QTMAN: variants seen among roughly 807,000 people sequenced by gnomAD.
QTMAN encodes the protein tRNA-queuosine alpha-mannosyltransferase.
At chr2:144,136,852 G>A in the QTMAN span, among the ~76,000 whole-genome samples, 1 of 152,040 alleles carries the variant, frequency 6.6e-6, no homozygotes, top group African/African-American at 2.4e-5. Flanking sequence ...ATCTCACCAA[G>A]TCTCAGGATC....
At chr2:144,233,053 T>C in the QTMAN span, among the ~76,000 whole-genome samples, 93 of 152,264 alleles carry the variant, frequency 6.1e-4, no homozygotes, top group African/African-American at 2.1e-3. Flanking sequence ...TAAAAGTGAG[T>C]ATTCAATTTG....
chr2:144,032,701 C>T, the QTMAN span, among the ~76,000 whole-genome samples: 2 of 152,120 alleles, frequency 1.3e-5, no homozygotes, highest in Non-Finnish European at 2.9e-5. Context: ...CATGAGGACA[C>T]CATCTGGAAG....
the QTMAN span, among the ~76,000 whole-genome samples, chr2:144,138,801 G>C: frequency 2.0e-5 from 3 of 152,014 alleles, no homozygotes; most frequent in Non-Finnish European, 4.4e-5. Flanking sequence ...TCTAAAAAAA[G>C]GAGAAGGCAT....
chr2:144,105,426 A>C, the QTMAN span, among the ~76,000 whole-genome samples: 10 of 152,246 alleles, frequency 6.6e-5, no homozygotes, highest in Non-Finnish European at 1.3e-4. Flanking sequence ...GATGCAGCTA[A>C]AAACCATGGC....
the QTMAN span, among the ~76,000 whole-genome samples, chr2:144,068,359 C>T: frequency 6.6e-6 from 1 of 152,074 alleles, no homozygotes; most frequent in South Asian, 2.1e-4. Context: ...TTCTGTTTGA[C>T]TGTATAATTC....
At chr2:144,226,460 C>T in the QTMAN span, among the ~76,000 whole-genome samples, 1 of 152,158 alleles carries the variant, frequency 6.6e-6, no homozygotes, top group Non-Finnish European at 1.5e-5. Context: ...CCAAATAAAA[C>T]TACCAATACC....
the QTMAN span, among the ~76,000 whole-genome samples, chr2:144,279,849 T>C: frequency 6.6e-6 from 1 of 152,168 alleles, no homozygotes; most frequent in Non-Finnish European, 1.5e-5. Flanking sequence ...ATACATAGTC[T>C]ATATCCAAAT....
the QTMAN span, among the ~76,000 whole-genome samples, chr2:144,265,211 G>T: frequency 1.3e-5 from 2 of 152,336 alleles, no homozygotes; most frequent in Admixed American, 6.5e-5. Context: ...TCAGGTGTCT[G>T]AAAGTATAAG....
At chr2:144,082,460 G>A in the QTMAN span, among the ~76,000 whole-genome samples, 1 of 152,056 alleles carries the variant, frequency 6.6e-6, no homozygotes, top group African/African-American at 2.4e-5. Context: ...TCAAAGCACT[G>A]GGGGGAAGGG....
chr2:144,218,105 G>A, the QTMAN span, among the ~76,000 whole-genome samples: 3 of 152,134 alleles, frequency 2.0e-5, no homozygotes, highest in African/African-American at 7.2e-5. Flanking sequence ...AGCAATGGCC[G>A]TGACGATTTC....
the QTMAN span, among the ~76,000 whole-genome samples, chr2:144,326,754 C>T: frequency 6.6e-6 from 1 of 152,154 alleles, no homozygotes; most frequent in South Asian, 2.1e-4. Flanking sequence ...GTATCACCTG[C>T]TATATGTACT....
At chr2:144,006,853 CTG>C in the QTMAN span, 422 of 198,846 alleles carry the variant, frequency 2.1e-3, no homozygotes, top group Middle Eastern at 5.5e-3. Context: ...TTTGTGATAA[CTG>C]TGTGTGTGTG....
the QTMAN span, among the ~76,000 whole-genome samples, chr2:143,973,232 C>G: frequency 6.6e-6 from 1 of 151,978 alleles, no homozygotes; most frequent in African/African-American, 2.4e-5. Context: ...GTAGTGAAAA[C>G]AGGCCAGCTG....
chr2:144,082,291 A>G, the QTMAN span, among the ~76,000 whole-genome samples: 1 of 152,192 alleles, frequency 6.6e-6, no homozygotes. Flanking sequence ...GCAAACATAT[A>G]AGGGAGCTCA....
chr2:144,069,747 A>G, the QTMAN span, among the ~76,000 whole-genome samples: 1 of 152,076 alleles, frequency 6.6e-6, no homozygotes, highest in African/African-American at 2.4e-5. Context: ...AACGTTAAAC[A>G]TTTAGATATT....
At chr2:144,103,842 C>A in the QTMAN span, among the ~76,000 whole-genome samples, 1 of 152,128 alleles carries the variant, frequency 6.6e-6, no homozygotes, top group African/African-American at 2.4e-5. Context: ...GTAATCCCAG[C>A]ACTTTGGGAG....
the QTMAN span, among the ~76,000 whole-genome samples, chr2:144,241,081 G>C: frequency 6.6e-6 from 1 of 152,196 alleles, no homozygotes; most frequent in East Asian, 1.9e-4. Context: ...GGTGCAACTA[G>C]GGTTGAGAAA....
chr2:144,194,123 T>C, the QTMAN span, among the ~76,000 whole-genome samples: 1,416 of 152,252 alleles, frequency 9.3e-3, 19 homozygotes, highest in African/African-American at 0.032. Context: ...TTTAAAAAAA[T>C]TCAGAGCAAA....
At chr2:144,250,418 C>T in the QTMAN span, among the ~76,000 whole-genome samples, 5 of 152,136 alleles carry the variant, frequency 3.3e-5, no homozygotes, top group South Asian at 2.1e-4. Context: ...GCTGAGATTA[C>T]AAGCACGAGC....
Sources: gnomAD v4.1 joint callset for allele counts (sites outside exome capture counted in the v4.1 genomes callset) on GRCh38, gnomAD v4.1.1 for gene constraint, MANE v1.5 for transcripts, NCBI Gene and HGNC (gene_info 2026-07-23, HGNC 2026-07-21) for gene names.